PSD3: variants seen among roughly 807,000 people sequenced by gnomAD.
PSD3 encodes PH and SEC7 domain-containing protein 3.
A neutral mutation model predicts 105.5 loss-of-function variants in PSD3; 49 were observed. That is an observed-to-expected ratio of 0.46 (90% CI 0.37 to 0.59). PSD3 has a LOEUF of 0.59. PSD3 is among the 20% of genes least tolerant of loss of function. The probability of loss-of-function intolerance (pLI) is 0.00; values close to 1 mark genes in which losing one functional copy is unlikely to be tolerated. For synonymous variants in PSD3, 557 were observed against 457.8 expected, an observed-to-expected ratio of 1.22 and a Z score of -2.77; for missense variants, 1,561 against 1,263.8, an observed-to-expected ratio of 1.24 and a Z score of -3.57.
chr8:18,543,538 A>G (rs1800270533), intron 15 of PSD3, among the ~76,000 whole-genome samples: 1 of 152,092 alleles, frequency 6.6e-6, no homozygotes, highest in Admixed American at 6.5e-5. Context: ...GAATGGCCTG[A>G]ACCCAGGAGG....
chr8:18,645,985 T>C (rs1808008954), intron 10 of PSD3, among the ~76,000 whole-genome samples: 1 of 152,190 alleles, frequency 6.6e-6, no homozygotes, highest in South Asian at 2.1e-4. Flanking sequence ...ATTTAAAATA[T>C]ATGTTTTATC....
chr8:19,078,930 C>A (rs1427833690), intron 1 of PSD3, among the ~76,000 whole-genome samples: 1 of 150,956 alleles, frequency 6.6e-6, no homozygotes, highest in African/African-American at 2.4e-5. Flanking sequence ...AAAACAAGAC[C>A]TATTGGAGTT....
intron 12 of PSD3, 109 bp downstream of exon 12, chr8:18,600,255 C>G: frequency 1.9e-6 from 2 of 1,043,528 alleles, no homozygotes; most frequent in Non-Finnish European, 2.8e-6. Flanking sequence ...AGCAAACAAA[C>G]TGCAGAAAGT....
chr8:18,868,051 C>T lies in PSD3; in HGVS notation c.1257G>A (p.Glu419=), dbSNP rs1817082043. The T allele has an allele frequency of 6.2e-7, 1 of 1,606,334 alleles. No individual in the cohort carries two copies. Among genetic ancestry groups the T allele is most frequent in the South Asian group, 1.1e-5 (1 of 89,452 alleles). The part of the protein sequence containing the change: ...RDRERISEQE[E]HVKGEDEDIL... Reference sequence around the variant, plus strand: ...TGTCTTCATCTTCCCCCTTAACGTGCTCCTCTTGTTCGCTGATCCTGGAAA... The same window carrying T: ...TGTCTTCATCTTCCCCCTTAACGTGTTCCTCTTGTTCGCTGATCCTGGAAA... Residue 419 remains glutamate, a synonymous_variant, in exon 4 of 16, where the codon GAG becomes GAA. Transcript: ENST00000327040.
intron 9 of PSD3, among the ~76,000 whole-genome samples, chr8:18,693,574 T>G (rs1286879047): frequency 1.3e-5 from 2 of 152,186 alleles, no homozygotes; most frequent in African/African-American, 4.8e-5. Flanking sequence ...AACAAAGGTA[T>G]AAGCCATGTG....
At chr8:18,927,175 A>C (rs1050301165) in intron 2 of PSD3, among the ~76,000 whole-genome samples, 1 of 152,126 alleles carries the variant, frequency 6.6e-6, no homozygotes, top group African/African-American at 2.4e-5. Flanking sequence ...CCATGTGTTC[A>C]GCTACCCAAA....
intron 4 of PSD3, among the ~76,000 whole-genome samples, chr8:18,817,984 C>T (rs1812354813): frequency 6.6e-6 from 1 of 152,160 alleles, no homozygotes. Context: ...GACGGAGTCT[C>T]ACTCTGTCGC....
intron 1 of PSD3, among the ~76,000 whole-genome samples, chr8:19,004,731 A>G (rs1826569300): frequency 6.6e-6 from 1 of 152,028 alleles, no homozygotes; most frequent in Admixed American, 6.6e-5. Context: ...CACAATTCCC[A>G]TGTGTCGTGT....
At chr8:18,976,948 A>G (rs1377945865) in intron 1 of PSD3, among the ~76,000 whole-genome samples, 1 of 152,198 alleles carries the variant, frequency 6.6e-6, no homozygotes, top group Non-Finnish European at 1.5e-5. Flanking sequence ...GCTGATAGAG[A>G]AAGATTTTTT....
At chr8:18,833,181 G>C (rs200686102) in intron 4 of PSD3, among the ~76,000 whole-genome samples, 1 of 152,184 alleles carries the variant, frequency 6.6e-6, no homozygotes, top group Non-Finnish European at 1.5e-5. Flanking sequence ...TGACACTGAG[G>C]ACCAGGAGCA....
intron 1 of PSD3, among the ~76,000 whole-genome samples, chr8:18,960,696 AAC>A (rs1420682577): frequency 6.6e-6 from 1 of 152,198 alleles, no homozygotes; most frequent in Non-Finnish European, 1.5e-5. Context: ...TGAAAAGAAT[AAC>A]GAAGACAATT....
rs191045133 is a variant in PSD3 at position 18,540,664 on chromosome 8, G to T, written c.2929-4706C>A. 3.0e-4 allele frequency among the ~76,000 whole-genome samples: 45 copies of T among 152,232 alleles called. No individual in the cohort carries two copies. The East Asian group carries it at 6.6e-3, about 22-fold the overall frequency. On this transcript the variant is annotated intron_variant, in intron 15 of 15. Transcript: ENST00000327040. ...ACCTTGCGCCTGGGTTCCTCCCACA[G>T]TCGCCTGACTGCTCTCCCTGTTCCC... is the stretch of plus-strand genomic sequence containing the variant.
At chr8:18,571,603 G>C (rs1025486625) in intron 14 of PSD3, among the ~76,000 whole-genome samples, 18 of 152,240 alleles carry the variant, frequency 1.2e-4, no homozygotes, top group African/African-American at 3.9e-4. Context: ...GCCTTCATCT[G>C]CCTTTCTATC....
intron 8 of PSD3, among the ~76,000 whole-genome samples, chr8:18,777,153 G>C (rs1585942886): frequency 1.3e-5 from 2 of 151,708 alleles, no homozygotes; most frequent in South Asian, 2.1e-4. Flanking sequence ...AGCAATTCTT[G>C]TGCCTCAGCC....
intron 1 of PSD3, among the ~76,000 whole-genome samples, chr8:18,968,615 G>A (rs1160232397): frequency 3.3e-5 from 5 of 152,280 alleles, no homozygotes; most frequent in African/African-American, 7.2e-5. Context: ...GGTGGCTCAC[G>A]CCTGTAATCC....
chr8:18,714,201 T>C (rs181301644), intron 9 of PSD3, among the ~76,000 whole-genome samples: 65 of 152,226 alleles, frequency 4.3e-4, no homozygotes, highest in African/African-American at 1.5e-3. Context: ...GGCAATACCA[T>C]TCAGGACATA....
At chr8:18,961,162 G>A (rs1823889686) in intron 1 of PSD3, among the ~76,000 whole-genome samples, 1 of 152,088 alleles carries the variant, frequency 6.6e-6, no homozygotes, top group Admixed American at 6.5e-5. Context: ...CTACTCTACT[G>A]AAAAACAGAG....
intron 15 of PSD3, among the ~76,000 whole-genome samples, chr8:18,541,482 C>G (rs1321240325): frequency 6.6e-6 from 1 of 152,138 alleles, no homozygotes; most frequent in African/African-American, 2.4e-5. Flanking sequence ...AGTATCCCAC[C>G]GTTCCAATGA....
intron 12 of PSD3, among the ~76,000 whole-genome samples, chr8:18,581,841 C>T (rs1193971513): frequency 6.6e-6 from 1 of 152,156 alleles, no homozygotes; most frequent in East Asian, 1.9e-4. Flanking sequence ...TCTGACATTA[C>T]TATCGTGATA....
Sources: allele counts gnomAD v4.1 joint callset (sites outside exome capture counted in the v4.1 genomes callset), GRCh38; gene constraint gnomAD v4.1.1; transcripts MANE v1.5; gene names NCBI Gene and HGNC (gene_info 2026-07-23, HGNC 2026-07-21).